Variants in TLDC2 observed in about 807,000 individuals in gnomAD.
The protein encoded by TLDC2 is TLD domain-containing protein 2.
In TLDC2, 23 loss-of-function variants were observed where a neutral mutation model predicts 27.9. The ratio of observed to expected loss-of-function variants is 0.82; its 90% CI spans 0.59 to 1.17. The LOEUF is 1.17. Among genes scored for constraint, TLDC2 ranks in the 50% most tolerant of loss-of-function variants. The pLI, the probability that TLDC2 is intolerant of heterozygous loss-of-function variation, is 0.00. For synonymous variants in TLDC2, 124 were observed against 107.4 expected (o/e 1.16, Z -0.96); for missense variants, 286 against 273.4 (o/e 1.05, Z -0.32).
intron 6 of TLDC2, 106 bp downstream of exon 6, chr20:36,889,509 G>C (rs1990008304): frequency 7.3e-7 from 1 of 1,366,532 alleles, no homozygotes; most frequent in Non-Finnish European, 9.7e-7. Flanking sequence ...CGAGGCTGCT[G>C]GCCAGCCTCC....
At chr20:36,886,450 G>A (rs1490877678) in intron 4 of TLDC2, among the ~76,000 whole-genome samples, 4 of 152,178 alleles carry the variant, frequency 2.6e-5, no homozygotes, top group South Asian at 2.1e-4. Context: ...AAAGTTAGCC[G>A]GGCGTGGTGG....
intron 5 of TLDC2, among the ~76,000 whole-genome samples, 199 bp downstream of exon 5, chr20:36,887,727 G>A (rs1417080037): frequency 6.6e-6 from 1 of 152,190 alleles, no homozygotes; most frequent in Non-Finnish European, 1.5e-5. Context: ...AAGGATGCAT[G>A]AGTGCCCCCA....
rs116191695 is a variant in TLDC2 at position 36,884,286 on chromosome 20, C to T, written c.439-3169C>T. ...CCTTTCTCTCGCTCTGCTCCAACCACACTGGCCTCTGAGCTGGTCCTTAAA... is the reference window on the plus strand; with the variant it reads ...CCTTTCTCTCGCTCTGCTCCAACCATACTGGCCTCTGAGCTGGTCCTTAAA... On this transcript the variant is annotated intron_variant, in intron 4 of 6. Transcript: ENST00000217320. 2.1e-3 allele frequency among the ~76,000 whole-genome samples: 318 copies of T among 152,310 alleles called. 5 individuals carry two copies. Among genetic ancestry groups the T allele is most frequent in the African/African-American group, 7.4e-3 (309 of 41,552 alleles).
intron 3 of TLDC2, among the ~76,000 whole-genome samples, chr20:36,880,070 C>T (rs13038040): frequency 4.9e-4 from 36 of 73,034 alleles, no homozygotes; most frequent in South Asian, 1.1e-3. Flanking sequence ...TATATATATA[C>T]ATATATATAT....
At chr20:36,882,453 G>A (rs566355405) in intron 4 of TLDC2, among the ~76,000 whole-genome samples, 8 of 152,334 alleles carry the variant, frequency 5.3e-5, no homozygotes, top group Non-Finnish European at 8.8e-5. Flanking sequence ...AGCATTTTGC[G>A]GGACTGAGGT....
At chr20:36,882,783 G>A (rs1269279788) in intron 4 of TLDC2, among the ~76,000 whole-genome samples, 2 of 152,162 alleles carry the variant, frequency 1.3e-5, no homozygotes, top group African/African-American at 2.4e-5. Flanking sequence ...GGGTGAGGGA[G>A]GCATGGTGAG....
At chr20:36,879,256 T>C in intron 3 of TLDC2, 63 bp downstream of exon 3, 1 of 1,552,876 alleles carries the variant, frequency 6.4e-7, no homozygotes, top group Non-Finnish European at 8.7e-7. Context: ...TCATGGGCCC[T>C]GTCCCAGGGC....
rs980460302 is a variant in TLDC2 at position 36,879,331 on chromosome 20, T to C, written c.342+138T>C. On this transcript the variant is annotated intron_variant, in intron 3 of 6. Transcript: ENST00000217320. ...CTATAATGGACACTGATGATGGCAA[T>C]GAGACCTGCCCACTCAGAGCCATTC... 4.2e-6 allele frequency: 5 copies of C among 1,180,766 alleles called. No homozygotes were observed. In the African/African-American group the frequency reaches 7.7e-5, roughly 18 times the overall value. 73.1% of individuals were successfully genotyped at this position (1,180,766 alleles called of 1,614,324 possible). A position where few individuals can be genotyped will look rare whatever the true frequency, so the allele number is the denominator to read the frequency against.
Position 36,883,797 on chromosome 20 carries a change from T to TAA in TLDC2, c.438+3050_438+3051dup, listed in dbSNP as rs565563488. 1.6e-3 allele frequency among the ~76,000 whole-genome samples: 238 copies of TAA among 152,228 alleles called. 1 individual carries two copies. Among genetic ancestry groups the TAA allele is most frequent in the Non-Finnish European group, 2.7e-3 (181 of 68,016 alleles). ...AGCACAGTAGCTGGAGTGATCCTTTTAAAAGGGAAGCCAGGGCAGGGCTCA... is the reference window on the plus strand; with the variant it reads ...AGCACAGTAGCTGGAGTGATCCTTTTAAAAAAGGGAAGCCAGGGCAGGGCTCA... On this transcript the variant is annotated intron_variant, in intron 4 of 6. Coordinates refer to ENST00000217320, the MANE Select transcript of TLDC2 (RefSeq NM_080628.3).
At chr20:36,879,597 T>C (rs1304681070) in intron 3 of TLDC2, among the ~76,000 whole-genome samples, 1 of 152,034 alleles carries the variant, frequency 6.6e-6, no homozygotes, top group African/African-American at 2.4e-5. Flanking sequence ...TCCTAGCACT[T>C]TGGGAGGCTG....
In TLDC2 at chr20:36,880,725, T is replaced by G. The variant is rs1568748945; in HGVS notation, c.413T>G (p.Leu138Arg). ...KGFYGTGETF[L>R]FSFSPQLKVF... ...TTCTATGGTACTGGCGAGACATTCC[T>G]CTTCTCCTTCTCCCCACAGCTGAAG... Residue 138 changes from leucine to arginine, a missense_variant, in exon 4 of 7, where the codon CTC becomes CGC. Transcript: ENST00000217320. The G allele has an allele frequency of 5.6e-6, 9 of 1,614,186 alleles. No homozygotes were observed. The highest frequency in any genetic ancestry group is 5.9e-6 in the Non-Finnish European group (7 of 1,180,022).
In TLDC2 at chr20:36,878,027, G is replaced by C. The variant is rs755690971; in HGVS notation, c.162G>C (p.Gln54His). Residue 54 changes from glutamine to histidine, a missense_variant, in exon 2 of 7, where the codon CAG becomes CAC. By Grantham distance (24) the Gln-to-His change is conservative. Transcript: ENST00000217320. ...PTVPQLTEAS[Q>H]VLSASEIRQL... ...TGCCCCAGCTGACAGAAGCCAGCCA[G>C]GTTTTGAGTGCCTCAGAGATTCGGC... is the stretch of plus-strand genomic sequence containing the variant. The C allele has an allele frequency of 9.3e-6, 15 of 1,613,804 alleles. No homozygotes were observed. Among genetic ancestry groups the C allele is most frequent in the Admixed American group, 6.7e-5 (4 of 59,980 alleles).
chr20:36,893,171 A>G lies in TLDC2; in HGVS notation c.*327A>G, dbSNP rs1990122641. On this transcript the variant is annotated 3_prime_UTR_variant, in exon 7 of 7. Transcript: ENST00000217320. ...GCGCACATCCTCATCTTGCATATAG[A>G]TTGCTTCTAGCTGTCCTCAATCCAG... The G allele has an allele frequency of 7.0e-7, 1 of 1,425,216 alleles. No individual in the cohort carries two copies. The highest frequency in any genetic ancestry group is 9.7e-7 in the Non-Finnish European group (1 of 1,026,840). The allele number at this position is 1,425,216 out of a possible 1,614,324, so 88.3% of individuals were successfully genotyped here.
intron 5 of TLDC2, among the ~76,000 whole-genome samples, chr20:36,889,004 AAAGC>A (rs1446001931): frequency 9.2e-5 from 14 of 152,312 alleles, no homozygotes; most frequent in African/African-American, 3.1e-4. Context: ...CCTGGGTGAC[AAAGC>A]AAGACTCCGT....
Position 36,877,949 on chromosome 20 carries a change from A to AGAGGAG in TLDC2, c.92_97dup (p.Glu31_Glu32dup). The AGAGGAG allele has an allele frequency of 6.2e-7, 1 of 1,613,996 alleles. No homozygotes were observed. The highest frequency in any genetic ancestry group is 8.5e-7 in the Non-Finnish European group (1 of 1,179,958). On this transcript the variant is annotated inframe_insertion, in exon 2 of 7. Coordinates refer to ENST00000217320, the MANE Select transcript of TLDC2 (RefSeq NM_080628.3). ...CTGGGGAGGAGGGTAACGAAGAGGA[A>AGAGGAG]GAGGAGGAGGAGGCAGCTCCAGACC...
Position 36,880,671 on chromosome 20 carries a change from C to A in TLDC2, c.359C>A (p.Ser120Tyr). Residue 120 changes from serine (S) to tyrosine (Y), a missense_variant, in exon 4 of 7, where the codon TCC becomes TAC. Ser to Tyr is a moderately radical substitution (Grantham distance 144, BLOSUM62 -2). Transcript: ENST00000217320. ...DQDGQIFGAF[S>Y]SSAIRLSKGF... ...ACTTTCCAGATATTTGGAGCCTTCT[C>A]CTCCTCGGCTATCCGACTCAGCAAA... 1 of 1,614,190 alleles carries A rather than the reference C, an allele frequency of 6.2e-7. No homozygotes were observed. Among genetic ancestry groups the A allele is most frequent in the East Asian group, 2.2e-5 (1 of 44,880 alleles).
At chr20:36,877,020 G>A (rs1989684972) in intron 1 of TLDC2, among the ~76,000 whole-genome samples, 1 of 152,162 alleles carries the variant, frequency 6.6e-6, no homozygotes, top group Non-Finnish European at 1.5e-5. Flanking sequence ...ATGACTGCAT[G>A]CATCATTTCA....
chr20:36,889,161 T>G, intron 5 of TLDC2, 90 bp from the exon 6 acceptor site: 1 of 1,549,356 alleles, frequency 6.5e-7, no homozygotes, highest in Non-Finnish European at 8.8e-7. Context: ...GCTGCCGTCC[T>G]GGCATGGCCA....
At position 36,893,323 on chromosome 20, in the gene TLDC2, G is replaced by A. The variant is rs546389580; in HGVS notation, c.*479G>A. 7.4e-6 allele frequency: 4 copies of A among 543,858 alleles called. No individual in the cohort carries two copies. Among genetic ancestry groups the A allele is most frequent in the Non-Finnish European group, 1.3e-5 (4 of 304,116 alleles). 33.7% of individuals were successfully genotyped at this position (543,858 alleles called of 1,614,324 possible). A position where few individuals can be genotyped will look rare whatever the true frequency, so the allele number is the denominator to read the frequency against. On this transcript the variant is annotated 3_prime_UTR_variant, in exon 7 of 7. Coordinates refer to ENST00000217320, the MANE Select transcript of TLDC2 (RefSeq NM_080628.3). ...AGATGACTGGGAGCAGCATACCACT[G>A]CCCACCTCTATGGCCTCCTTCACAC...
Sources: gnomAD v4.1 joint callset for allele counts (sites outside exome capture counted in the v4.1 genomes callset) on GRCh38, gnomAD v4.1.1 for gene constraint, MANE v1.5 for transcripts, NCBI Gene and HGNC (gene_info 2026-07-23, HGNC 2026-07-21) for gene names.